ZEB2: variants seen among roughly 807,000 people sequenced by gnomAD.
ZEB2 encodes zinc finger E-box-binding homeobox 2.
ZEB2 carries 6 observed loss-of-function variants against 99.9 expected under a neutral mutation model. That is an observed-to-expected ratio of 0.06 (90% confidence interval 0.03 to 0.12). ZEB2 has a LOEUF of 0.12. Among genes scored for constraint, ZEB2 ranks in the 10% least tolerant of loss-of-function variants. The pLI is 1.00. For synonymous variants in ZEB2, 517 were observed against 542.5 expected, an observed-to-expected ratio of 0.95 and a Z score of 0.65; for missense variants, 969 against 1,502.8, an observed-to-expected ratio of 0.64 and a Z score of 5.87.
chr2:144,487,532 C>T (rs1045818230), intron 2 of ZEB2, among the ~76,000 whole-genome samples: 3 of 152,062 alleles, frequency 2.0e-5, no homozygotes, highest in African/African-American at 7.2e-5. Flanking sequence ...ATAGAAGATA[C>T]AAACTTATTC....
At chr2:144,497,222 C>T (rs1174277221) in intron 2 of ZEB2, among the ~76,000 whole-genome samples, 1 of 152,154 alleles carries the variant, frequency 6.6e-6, no homozygotes, top group Non-Finnish European at 1.5e-5. Context: ...TCTAGTTGTG[C>T]CATCCTCTGT....
chr2:144,458,661 T>G (rs1469578693), intron 2 of ZEB2, among the ~76,000 whole-genome samples: 2 of 152,172 alleles, frequency 1.3e-5, no homozygotes, highest in Non-Finnish European at 2.9e-5. Flanking sequence ...AGGCAGCCCT[T>G]GAAAGATCAC....
rs570594658 is a variant in ZEB2 at position 144,404,213 on chromosome 2, T to G, written c.593-83A>C. The G allele has an allele frequency of 7.8e-5, 115 of 1,467,018 alleles. No individual in the cohort carries two copies. In the African/African-American group the frequency reaches 1.5e-3, roughly 19 times the overall value. The allele number at this position is 1,467,018 out of a possible 1,614,324, so 90.9% of individuals were successfully genotyped here. A position where few individuals can be genotyped will look rare whatever the true frequency, so the allele number is the denominator to read the frequency against. ...CAGCTAATGGGCTGACTGCCCGGGATGGTATGACAGGAATCACTGCAATCT... is the reference window on the plus strand; with the variant it reads ...CAGCTAATGGGCTGACTGCCCGGGAGGGTATGACAGGAATCACTGCAATCT... On this transcript the variant is annotated intron_variant, in intron 5 of 9. Coordinates refer to ENST00000627532, the MANE Select transcript of ZEB2 (RefSeq NM_014795.4).
rs558233257 is a variant in ZEB2, at chr2:144,484,767, C to G, written c.73+32511G>C. Among the ~76,000 whole-genome samples, 9 of 152,164 alleles carry G rather than the reference C, an allele frequency of 5.9e-5. No homozygotes were observed. The South Asian group carries it at 1.9e-3, about 32-fold the overall frequency. On this transcript the variant is annotated intron_variant, in intron 2 of 9. Transcript: ENST00000627532. ...AGTGGAATGCGACTGAAGTGGGAAC[C>G]CACTTATTGCCAGGGGAATGTCAGT...
chr2:144,497,819 GTCATT>G (rs1704787959), intron 2 of ZEB2: 2 of 134,490 alleles, frequency 1.5e-5, no homozygotes, highest in African/African-American at 3.3e-5. Flanking sequence ...AAAAGACACT[GTCATT>G]CTCAACATAT....
chr2:144,517,482 G>C (rs1354914941), intron 1 of ZEB2, 63 bp from the exon 2 acceptor site: 2 of 1,118,144 alleles, frequency 1.8e-6, no homozygotes, highest in African/African-American at 1.5e-5. Context: ...CGCGCGGGCC[G>C]CCCAGGGGAG....
intron 2 of ZEB2, among the ~76,000 whole-genome samples, chr2:144,457,041 AAATGCATATAGAAGAC>A (rs2149902426): frequency 6.6e-6 from 1 of 152,278 alleles, no homozygotes; most frequent in East Asian, 1.9e-4. Flanking sequence ...CTGGCAAGAT[AAATGCATATAGAAGAC>A]AATGCATTTT....
At chr2:144,491,576 AC>A (rs1704682543) in intron 2 of ZEB2, among the ~76,000 whole-genome samples, 1 of 152,158 alleles carries the variant, frequency 6.6e-6, no homozygotes, top group African/African-American at 2.4e-5. Flanking sequence ...AAAGAAAACT[AC>A]CTTCTTCATA....
At chr2:144,490,745 A>G (rs1017351135) in intron 2 of ZEB2, among the ~76,000 whole-genome samples, 7 of 152,006 alleles carry the variant, frequency 4.6e-5, no homozygotes, top group Non-Finnish European at 8.8e-5. Context: ...TCCTATGTCC[A>G]CTCCACCCTT....
chr2:144,413,311 G>A (rs985994826), intron 4 of ZEB2, among the ~76,000 whole-genome samples: 1 of 152,192 alleles, frequency 6.6e-6, no homozygotes, highest in African/African-American at 2.4e-5. Context: ...AATGAATGAA[G>A]GAGGCACTCA....
chr2:144,496,815 A>G (rs1354208889), intron 2 of ZEB2: 2 of 152,236 alleles, frequency 1.3e-5, no homozygotes, highest in Non-Finnish European at 2.9e-5. Context: ...AGTACTCAAC[A>G]AATGTTAGAT....
rs1703234469 is a variant in ZEB2, at chr2:144,396,697, AATTG to A, written c.2887-109_2887-106del. 1.7e-5 allele frequency: 22 copies of A among 1,271,834 alleles called. No individual in the cohort carries two copies. In the East Asian group the frequency reaches 5.0e-4, roughly 29 times the overall value. The allele number at this position is 1,271,834 out of a possible 1,614,324, so 78.8% of individuals were successfully genotyped here. On this transcript the variant is annotated intron_variant, in intron 8 of 9. Transcript: ENST00000627532. ...GAGAACCTCAAAATTGCTTGCTACT[AATTG>A]ATTGAGTTAAACATTTTTTTTTCCA...
intron 9 of ZEB2, among the ~76,000 whole-genome samples, chr2:144,395,954 T>A (rs560444271): frequency 9.4e-5 from 14 of 149,252 alleles, no homozygotes; most frequent in African/African-American, 3.2e-4. Flanking sequence ...GTGGCGAATT[T>A]AAAAAAAAAA....
chr2:144,424,008 TC>T (rs1703655045), intron 4 of ZEB2, among the ~76,000 whole-genome samples: 1 of 151,948 alleles, frequency 6.6e-6, no homozygotes, highest in African/African-American at 2.4e-5. Context: ...GCAACACCCC[TC>T]CCCTCCACAA....
intron 9 of ZEB2, among the ~76,000 whole-genome samples, chr2:144,395,611 G>A (rs984203651): frequency 6.6e-6 from 1 of 152,136 alleles, no homozygotes; most frequent in African/African-American, 2.4e-5. Flanking sequence ...TATTGTTCAG[G>A]GAGGTGGGGA....
chr2:144,434,434 G>A (rs1560622791), intron 2 of ZEB2, among the ~76,000 whole-genome samples: 1 of 152,140 alleles, frequency 6.6e-6, no homozygotes, highest in Non-Finnish European at 1.5e-5. Flanking sequence ...GACAAAGGAG[G>A]TAATACAGGC....
Position 144,519,935 on chromosome 2 carries a change from C to T in ZEB2, c.-70+4G>A, listed in dbSNP as rs1315870561. ...GAGAGAAAAGGGGAGGAAAAAAAAC[C>T]TACCTGCGAAGTCTTGTTTGTAGTT... On this transcript the variant is annotated splice_donor_region_variant and intron_variant, in intron 1 of 9. Transcript: ENST00000627532. 1 of 447,044 alleles carries T rather than the reference C, an allele frequency of 2.2e-6. No individual in the cohort carries two copies. Among genetic ancestry groups the T allele is most frequent in the East Asian group, 7.0e-5 (1 of 14,342 alleles). 27.7% of individuals were successfully genotyped at this position (447,044 alleles called of 1,614,324 possible). A position where few individuals can be genotyped will look rare whatever the true frequency, so the allele number is the denominator to read the frequency against.
At chr2:144,480,880 A>T (rs1332641489) in intron 2 of ZEB2, among the ~76,000 whole-genome samples, 2 of 152,168 alleles carry the variant, frequency 1.3e-5, no homozygotes, top group Admixed American at 6.5e-5. Flanking sequence ...TGCTTTCACG[A>T]TATGAAAGAT....
chr2:144,480,740 AG>A (rs61119089), intron 2 of ZEB2, among the ~76,000 whole-genome samples: 1,613 of 13,826 alleles, frequency 0.12, 31 homozygotes, highest in African/African-American at 0.19. Flanking sequence ...AAAAAAAAAA[AG>A]AAAAAAAAGG....
Sources: gnomAD v4.1 joint callset for allele counts (sites outside exome capture counted in the v4.1 genomes callset) on GRCh38, gnomAD v4.1.1 for gene constraint, MANE v1.5 for transcripts, NCBI Gene and HGNC (gene_info 2026-07-23, HGNC 2026-07-21) for gene names.